The following GABRB1 variants were observed in gnomAD, a reference collection of about 807,000 sequenced individuals.
GABRB1 encodes the protein gamma-aminobutyric acid receptor subunit beta-1.
Under a neutral mutation model 51.6 loss-of-function variants are expected in GABRB1, and 17 were observed. The observed-to-expected ratio is 0.33, with a 90% CI of 0.23 to 0.49. The LOEUF (loss-of-function observed/expected upper bound fraction) is 0.49, where lower values mean the gene tolerates loss of function less well. Ranked by LOEUF, GABRB1 falls within the 20% of genes least tolerant of loss-of-function variation. The pLI, the probability that GABRB1 is intolerant of heterozygous loss-of-function variation, is 0.99. For missense variants in GABRB1, 410 were observed against 600.6 expected (o/e 0.68, Z 3.32); for synonymous variants, 247 against 218.9 (o/e 1.13, Z -1.14).
chr4:47,061,219 A>G (rs1726833481), intron 3 of GABRB1, among the ~76,000 whole-genome samples: 1 of 152,188 alleles, frequency 6.6e-6, no homozygotes, highest in Admixed American at 6.5e-5. Flanking sequence ...GTAAAAAGTG[A>G]CTTTTTTCTT....
At chr4:47,055,409 A>G (rs2109516108) in intron 3 of GABRB1, among the ~76,000 whole-genome samples, 1 of 152,346 alleles carries the variant, frequency 6.6e-6, no homozygotes, top group Middle Eastern at 3.4e-3. Context: ...GAAGGAGCTC[A>G]GTAGTGGGCT....
intron 4 of GABRB1, among the ~76,000 whole-genome samples, chr4:47,262,675 A>C (rs189609420): frequency 1.2e-4 from 19 of 152,274 alleles, no homozygotes; most frequent in South Asian, 2.1e-4. Flanking sequence ...ACCATTTGAC[A>C]CAGCCTTCCC....
intron 3 of GABRB1, among the ~76,000 whole-genome samples, chr4:47,148,615 A>G (rs751885545): frequency 2.0e-5 from 3 of 152,030 alleles, no homozygotes; most frequent in Middle Eastern, 3.2e-3. Context: ...CATCTTACCA[A>G]AAGAAAATTA....
intron 3 of GABRB1, among the ~76,000 whole-genome samples, chr4:47,147,323 T>C (rs554765231): frequency 3.3e-5 from 5 of 152,080 alleles, no homozygotes; most frequent in Non-Finnish European, 7.4e-5. Flanking sequence ...TTATACAACC[T>C]CATATTCCTC....
chr4:47,292,454 T>C (rs1457977615), intron 4 of GABRB1, among the ~76,000 whole-genome samples: 2 of 152,266 alleles, frequency 1.3e-5, no homozygotes, highest in Non-Finnish European at 2.9e-5. Flanking sequence ...GAAAATACTT[T>C]ACTGTTGTTA....
intron 4 of GABRB1, among the ~76,000 whole-genome samples, chr4:47,283,356 C>CCTT (rs1723367630): frequency 6.5e-5 from 5 of 77,298 alleles, no homozygotes; most frequent in South Asian, 8.9e-4. Context: ...CTGGTGGCCC[C>CCTT]TTTTTTTTTT....
chr4:47,394,605 C>T (rs1578142756), intron 5 of GABRB1, among the ~76,000 whole-genome samples: 1 of 152,066 alleles, frequency 6.6e-6, no homozygotes, highest in East Asian at 1.9e-4. Flanking sequence ...GACTGTATTG[C>T]CTTGTCTCCT....
intron 3 of GABRB1, among the ~76,000 whole-genome samples, chr4:47,096,597 A>G (rs959314303): frequency 6.6e-6 from 1 of 152,158 alleles, no homozygotes; most frequent in African/African-American, 2.4e-5. Context: ...AAGGACCTTG[A>G]GATGGGGAGA....
At chr4:47,108,064 C>T (rs1034187199) in intron 3 of GABRB1, among the ~76,000 whole-genome samples, 1 of 152,020 alleles carries the variant, frequency 6.6e-6, no homozygotes, top group African/African-American at 2.4e-5. Flanking sequence ...AATGAACCAA[C>T]CTTGAATCCA....
At chr4:47,199,399 C>T (rs1000952360) in intron 4 of GABRB1, among the ~76,000 whole-genome samples, 1 of 152,024 alleles carries the variant, frequency 6.6e-6, no homozygotes, top group East Asian at 1.9e-4. Context: ...TCATGGATCC[C>T]CTTAGCTATC....
intron 3 of GABRB1, chr4:47,032,803 G>C (rs1191898118): frequency 1.8e-6 from 1 of 545,452 alleles, no homozygotes; most frequent in Non-Finnish European, 3.6e-6. Context: ...TGGATGAGGA[G>C]GGCACCATCT....
chr4:47,118,992 G>A (rs1715626269), intron 3 of GABRB1, among the ~76,000 whole-genome samples: 2 of 152,096 alleles, frequency 1.3e-5, no homozygotes, highest in African/African-American at 2.4e-5. Flanking sequence ...CATTTTTCTA[G>A]TAACACTTGC....
intron 5 of GABRB1, among the ~76,000 whole-genome samples, chr4:47,352,121 A>G (rs1726369399): frequency 6.6e-6 from 1 of 152,120 alleles, no homozygotes; most frequent in African/African-American, 2.4e-5. Flanking sequence ...GTGAGATGGT[A>G]TCTCATCGTG....
intron 1 of GABRB1, among the ~76,000 whole-genome samples, chr4:47,006,033 ATTTCT>A (rs1236737862): frequency 6.6e-6 from 1 of 150,850 alleles, no homozygotes; most frequent in Non-Finnish European, 1.5e-5. Context: ...AGAAGCAATA[ATTTCT>A]TTTGTTTTAT....
chr4:47,201,891 C>T (rs1027637437), intron 4 of GABRB1, among the ~76,000 whole-genome samples: 16 of 152,084 alleles, frequency 1.1e-4, no homozygotes, highest in African/African-American at 3.9e-4. Flanking sequence ...TGCTGCTTTG[C>T]TTTTAAATTA....
chr4:47,003,981 GT>G (rs374011100), intron 1 of GABRB1, among the ~76,000 whole-genome samples: 131 of 151,864 alleles, frequency 8.6e-4, no homozygotes, highest in African/African-American at 3.0e-3. Flanking sequence ...ACGTTCTTTT[GT>G]TTTTTTTGTT....
intron 3 of GABRB1, among the ~76,000 whole-genome samples, chr4:47,109,748 T>C (rs1053872497): frequency 5.3e-5 from 8 of 152,144 alleles, no homozygotes; most frequent in Non-Finnish European, 1.0e-4. Context: ...AATTTAGGTG[T>C]TATCTGCATA....
chr4:47,008,956 C>T (rs184475121), intron 1 of GABRB1, among the ~76,000 whole-genome samples: 5 of 142,476 alleles, frequency 3.5e-5, no homozygotes, highest in Non-Finnish European at 6.0e-5. Context: ...CTCCTCCTCC[C>T]GGGTTCATGC....
chr4:47,003,056 A>G (rs1724278820), intron 1 of GABRB1, among the ~76,000 whole-genome samples: 1 of 148,374 alleles, frequency 6.7e-6, no homozygotes, highest in African/African-American at 2.5e-5. Context: ...AAGACTCCCA[A>G]ATCACTCCTA....
Sources: allele counts gnomAD v4.1 joint callset (sites outside exome capture counted in the v4.1 genomes callset), GRCh38; gene constraint gnomAD v4.1.1; transcripts MANE v1.5; gene names NCBI Gene and HGNC (gene_info 2026-07-23, HGNC 2026-07-21).